Variants in SLC2A9 observed in about 807,000 individuals in gnomAD.
SLC2A9 encodes the protein solute carrier family 2, facilitated glucose transporter member 9.
Under a neutral mutation model 50.6 loss-of-function variants are expected in SLC2A9, and 39 were observed. The ratio of observed to expected loss-of-function variants is 0.77; its 90% CI spans 0.60 to 1.01. The LOEUF (loss-of-function observed/expected upper bound fraction) is 1.01. SLC2A9 is among the 50% of genes least tolerant of loss of function. The pLI is 0.00. For synonymous variants in SLC2A9, 324 were observed against 276.9 expected (o/e 1.17, Z -1.69); for missense variants, 686 against 677.6 (o/e 1.01, Z -0.14).
At chr4:9,922,554 T>A (rs1553874955) in intron 6 of SLC2A9, among the ~76,000 whole-genome samples, 1 of 152,190 alleles carries the variant, frequency 6.6e-6, no homozygotes, top group Non-Finnish European at 1.5e-5. Flanking sequence ...ATAAAGTGGG[T>A]GATACTGTTT....
intron 10 of SLC2A9, among the ~76,000 whole-genome samples, chr4:9,866,726 C>T (rs1305261128): frequency 1.3e-5 from 2 of 152,196 alleles, no homozygotes; most frequent in African/African-American, 4.8e-5. Context: ...CTTGGACGTA[C>T]TCCCCATCCA....
At chr4:9,886,781 C>G (rs946070754) in intron 10 of SLC2A9, among the ~76,000 whole-genome samples, 7 of 152,172 alleles carry the variant, frequency 4.6e-5, no homozygotes, top group Non-Finnish European at 8.8e-5. Context: ...CCTGAGCCCC[C>G]CTTCTCAGTC....
intron 5 of SLC2A9, among the ~76,000 whole-genome samples, chr4:9,973,117 T>A: frequency 6.6e-6 from 1 of 152,172 alleles, no homozygotes; most frequent in Middle Eastern, 3.2e-3. Flanking sequence ...GGTGACATTA[T>A]AACTGATTCC....
chr4:9,790,318 A>T (rs1316589016), intron 3 of SLC2A9, among the ~76,000 whole-genome samples: 1 of 152,178 alleles, frequency 6.6e-6, no homozygotes, highest in East Asian at 1.9e-4. Flanking sequence ...TGCTCTTCCA[A>T]TGGCCCTTTC....
chr4:9,783,424 A>G lies in SLC2A9; in HGVS notation n.386-3359T>C, dbSNP rs142559173. ...TGGACTGCGAGGGGGAGATTTCTTT[A>G]GACAAAATAACACCTTTCACCCCGA... On this transcript the variant is annotated intron_variant and non_coding_transcript_variant, in intron 3 of 3. Transcript: ENST00000503803. The G allele has an allele frequency of 9.9e-6, 16 of 1,613,614 alleles. No homozygotes were observed. The African/African-American group carries it at 2.0e-4, about 20-fold the overall frequency.
rs187554259 is a variant in SLC2A9 at position 9,973,075 on chromosome 4, C to T, written c.681+7517G>A. Among the ~76,000 whole-genome samples the T allele has an allele frequency of 5.3e-4, 81 of 152,098 alleles. No homozygotes were observed. The East Asian group carries it at 6.8e-3, about 13-fold the overall frequency. On this transcript the variant is annotated intron_variant, in intron 5 of 11. Coordinates refer to ENST00000264784, the MANE Select transcript of SLC2A9 (RefSeq NM_020041.3). The stretch of plus-strand genomic sequence containing the variant: ...AGCTAGATTAAAAAAGAAAGAGAGA[C>T]GATCCAAATAAGCACAATCAGAAAT...
At chr4:9,943,798 A>C (rs1474436808) in intron 5 of SLC2A9, among the ~76,000 whole-genome samples, 1 of 152,150 alleles carries the variant, frequency 6.6e-6, no homozygotes, top group East Asian at 1.9e-4. Context: ...AAGGGTAAAA[A>C]CAGAATCTGA....
intron 7 of SLC2A9, among the ~76,000 whole-genome samples, chr4:9,919,709 C>T (rs1192384025): frequency 6.6e-6 from 1 of 152,196 alleles, no homozygotes; most frequent in African/African-American, 2.4e-5. Flanking sequence ...AGTGGTTGGC[C>T]AGCCTATTTG....
intron 11 of SLC2A9, among the ~76,000 whole-genome samples, chr4:9,834,129 C>T (rs779967760): frequency 2.0e-5 from 3 of 152,228 alleles, no homozygotes; most frequent in Non-Finnish European, 2.9e-5. Flanking sequence ...CAGGACTTCA[C>T]CATTCCCAGA....
intron 8 of SLC2A9, among the ~76,000 whole-genome samples, chr4:9,893,962 T>C (rs772806082): frequency 4.6e-5 from 7 of 152,262 alleles, no homozygotes; most frequent in Middle Eastern, 3.4e-3. Flanking sequence ...CAAGAGTGAT[T>C]ATGGGATTTA....
intron 2 of SLC2A9, among the ~76,000 whole-genome samples, chr4:10,002,916 G>A (rs1051814889): frequency 2.0e-5 from 3 of 152,156 alleles, no homozygotes; most frequent in East Asian, 1.9e-4. Context: ...TGGATACTCC[G>A]TCAGACCGTG....
At chr4:9,870,496 T>C (rs1383838793) in intron 10 of SLC2A9, among the ~76,000 whole-genome samples, 1 of 152,160 alleles carries the variant, frequency 6.6e-6, no homozygotes, top group African/African-American at 2.4e-5. Context: ...CACCAAAACT[T>C]TGAAGGGCTC....
intron 3 of SLC2A9, among the ~76,000 whole-genome samples, chr4:9,804,212 T>A (rs1721833895): frequency 6.6e-6 from 1 of 152,074 alleles, no homozygotes; most frequent in African/African-American, 2.4e-5. Context: ...GGAAGAAAGG[T>A]GATGAATGTT....
intron 6 of SLC2A9, 151 bp downstream of exon 6, chr4:9,941,762 G>A (rs188430508): frequency 2.7e-6 from 3 of 1,109,226 alleles, no homozygotes; most frequent in African/African-American, 1.6e-5. Flanking sequence ...AAGATGAAAT[G>A]AGAAGGTACC....
Position 9,834,566 on chromosome 4 carries a change from G to A in SLC2A9, c.1419+315C>T, listed in dbSNP as rs12642114. Among the ~76,000 whole-genome samples, 10,076 of 152,234 alleles carry A rather than the reference G, an allele frequency of 0.066. 526 individuals are homozygous for A. Among genetic ancestry groups the A allele is most frequent in the Non-Finnish European group, 0.091 (6,193 of 68,000 alleles). On this transcript the variant is annotated intron_variant, in intron 11 of 11. Transcript: ENST00000264784. ...TATTAGATGGAATTTGTCTTACACA[G>A]TGATGAGCACATTGTAAAAATGATA... is the stretch of plus-strand genomic sequence containing the variant.
At chr4:9,890,486 G>A (rs142035313) in intron 9 of SLC2A9, 124 bp downstream of exon 9, 4 of 914,956 alleles carry the variant, frequency 4.4e-6, no homozygotes, top group South Asian at 1.4e-5. Context: ...TGTCCCCGGG[G>A]AGAGCTTTAT....
chr4:9,967,417 T>C (rs1340008261), intron 5 of SLC2A9, among the ~76,000 whole-genome samples: 1 of 152,064 alleles, frequency 6.6e-6, no homozygotes, highest in African/African-American at 2.4e-5. Flanking sequence ...AAAATATTTG[T>C]ATGTGATAGT....
At chr4:9,937,241 C>T (rs1052469224) in intron 6 of SLC2A9, among the ~76,000 whole-genome samples, 5 of 152,176 alleles carry the variant, frequency 3.3e-5, no homozygotes, top group Non-Finnish European at 7.4e-5. Context: ...TTTCTAGGAA[C>T]GACTTCGTGC....
chr4:9,893,386 A>G (rs1039358212), intron 8 of SLC2A9, among the ~76,000 whole-genome samples: 2 of 149,542 alleles, frequency 1.3e-5, no homozygotes, highest in African/African-American at 4.9e-5. Flanking sequence ...AGGCAGAATG[A>G]TTCTCATTTG....
Sources: gnomAD v4.1 joint callset for allele counts (sites outside exome capture counted in the v4.1 genomes callset) on GRCh38, gnomAD v4.1.1 for gene constraint, MANE v1.5 for transcripts, NCBI Gene and HGNC (gene_info 2026-07-23, HGNC 2026-07-21) for gene names.